Variants in TMEM151B observed in about 807,000 individuals in gnomAD.
The protein encoded by TMEM151B is transmembrane protein 193.
In TMEM151B, 18 loss-of-function variants were observed where a neutral mutation model predicts 33.0. The observed-to-expected ratio is 0.55, with a 90% CI of 0.38 to 0.81. TMEM151B has a LOEUF of 0.81. TMEM151B is among the 30% of genes least tolerant of loss of function. The pLI, the probability that TMEM151B is intolerant of heterozygous loss-of-function variation, is 0.00. For missense variants in TMEM151B, 672 were observed against 843.4 expected (o/e 0.80, Z 2.52); for synonymous variants, 354 against 373.6 (o/e 0.95, Z 0.61).
In TMEM151B at chr6:44,273,189, G is replaced by T. The variant is rs1325549411; in HGVS notation, c.259G>T (p.Val87Leu). The change falls in exon 2 of 3, where the codon GTG becomes TTG. Residue 87 changes from valine (V) to leucine (L), a missense_variant. Val to Leu is a conservative substitution (Grantham distance 32, BLOSUM62 1). Around this residue, in one of 3 missense-constraint regions of TMEM151B, gnomAD observed 285 missense variants for 423.1 expected, o/e 0.67. Transcript: ENST00000451188. ...GAVAWCHVTT[V>L]TRLTFSSAYQ... ...AGTGGCCTGGTGCCACGTCACCACA[G>T]TGACGCGCCTCACCTTCAGCAGCGC... 4.5e-6 allele frequency: 7 copies of T among 1,549,400 alleles called. No individual in the cohort carries two copies. The highest frequency in any genetic ancestry group is 6.1e-6 in the Non-Finnish European group (7 of 1,145,388).
At position 44,276,277 on chromosome 6, in the gene TMEM151B, G is replaced by A; in HGVS notation, c.1451G>A (p.Arg484His). Residue 484 changes from arginine to histidine, a missense_variant, in exon 3 of 3, where the codon CGC becomes CAC. By Grantham distance (29) the Arg-to-His change is conservative. Around this residue, in one of 3 missense-constraint regions of TMEM151B, gnomAD observed 324 missense variants for 363.1 expected, o/e 0.89. Transcript: ENST00000451188. ...CTGGGCCGTCTCTACGGCTCCCGGC[G>A]CAGCTGCCTGTGGCGCAGCCGCAGC... is the stretch of plus-strand genomic sequence containing the variant. The part of the protein sequence containing the change: ...FSLGRLYGSR[R>H]SCLWRSRSGS... The A allele has an allele frequency of 2.2e-6, 3 of 1,372,182 alleles. No individual in the cohort carries two copies. Among genetic ancestry groups the A allele is most frequent in the Non-Finnish European group, 2.8e-6 (3 of 1,062,980 alleles). 85.0% of individuals were successfully genotyped at this position (1,372,182 alleles called of 1,614,324 possible).
Position 44,273,158 on chromosome 6 carries a change from G to A in TMEM151B, c.228G>A (p.Leu76=). The change falls in exon 2 of 3, where the codon CTG becomes CTA. Residue 76 remains leucine (L), a synonymous_variant. Coordinates refer to ENST00000451188, the MANE Select transcript of TMEM151B (RefSeq NM_001137560.2). ...LLLSLLMYGC[L]GAVAWCHVTT... is the part of the protein sequence containing the mutation. ...TCTCGCTGCTCATGTACGGCTGCCT[G>A]GGGGCAGTGGCCTGGTGCCACGTCA... is the stretch of plus-strand genomic sequence containing the variant. 2 of 1,544,946 alleles carry A rather than the reference G, an allele frequency of 1.3e-6. No individual in the cohort carries two copies. The highest frequency in any genetic ancestry group is 2.7e-5 in the African/African-American group (2 of 73,076).
In TMEM151B at chr6:44,276,535, C is replaced by T. The variant is rs1487451713; in HGVS notation, c.*8C>T. On this transcript the variant is annotated 3_prime_UTR_variant, in exon 3 of 3. Transcript: ENST00000451188. Reference sequence around the variant, plus strand: ...GTAGAGACCTCACTGTGACCTCCGGCCCCGGAGTGGCCCGCGCCGTCCTCC... The same window carrying T: ...GTAGAGACCTCACTGTGACCTCCGGTCCCGGAGTGGCCCGCGCCGTCCTCC... 7.4e-7 allele frequency: 1 copy of T among 1,347,710 alleles called. No homozygotes were observed. Among genetic ancestry groups the T allele is most frequent in the Non-Finnish European group, 9.6e-7 (1 of 1,044,548 alleles). The allele number at this position is 1,347,710 out of a possible 1,614,324, so 83.5% of individuals were successfully genotyped here. A position where few individuals can be genotyped will look rare whatever the true frequency, so the allele number is the denominator to read the frequency against.
At position 44,276,196 on chromosome 6, in the gene TMEM151B, C is replaced by T; in HGVS notation, c.1370C>T (p.Pro457Leu). 1 of 1,290,152 alleles carries T rather than the reference C, an allele frequency of 7.8e-7. No homozygotes were observed. The highest frequency in any genetic ancestry group is 9.8e-7 in the Non-Finnish European group (1 of 1,023,316). 79.9% of individuals were successfully genotyped at this position (1,290,152 alleles called of 1,614,324 possible). ...SRSALSICAS[P>L]RAGPGPGGGA... ...AGCGCCCTAAGCATCTGCGCCAGCC[C>T]GCGGGCCGGCCCGGGGCCCGGTGGG... Residue 457 changes from proline to leucine, a missense_variant, in exon 3 of 3, where the codon CCG (proline) becomes CTG (leucine). Around this residue, in one of 3 missense-constraint regions of TMEM151B, gnomAD observed 324 missense variants for 363.1 expected, o/e 0.89. Coordinates refer to ENST00000451188, the MANE Select transcript of TMEM151B (RefSeq NM_001137560.2).
At chr6:44,271,187 G>A (rs1187766457) in intron 1 of TMEM151B, among the ~76,000 whole-genome samples, 1 of 151,936 alleles carries the variant, frequency 6.6e-6, no homozygotes, top group Non-Finnish European at 1.5e-5. Flanking sequence ...GACGGTGGCG[G>A]GGATCCTGTC....
chr6:44,274,566 C>T (rs964061842), intron 2 of TMEM151B, among the ~76,000 whole-genome samples: 1 of 152,042 alleles, frequency 6.6e-6, no homozygotes, highest in South Asian at 2.1e-4. Flanking sequence ...AAGCCTGGGG[C>T]GGGTGAGAAG....
Position 44,276,025 on chromosome 6 carries a change from C to G in TMEM151B, c.1199C>G (p.Thr400Arg). The change falls in exon 3 of 3, where the codon ACG becomes AGG. Residue 400 changes from threonine to arginine, a missense_variant. Physicochemically the swap from Thr to Arg is moderately conservative, Grantham distance 71. Transcript: ENST00000451188. ...CTCATGGACCTGGCGGGGCTCGGGA[C>G]GCGCTGCGGCGGGGCAGGCGGCGGC... The part of the protein sequence containing the change: ...AVLMDLAGLG[T>R]RCGGAGGGYA... The G allele has an allele frequency of 7.4e-7, 1 of 1,351,298 alleles. No individual in the cohort carries two copies. Among genetic ancestry groups the G allele is most frequent in the Non-Finnish European group, 9.5e-7 (1 of 1,054,200 alleles). The allele number at this position is 1,351,298 out of a possible 1,614,324, so 83.7% of individuals were successfully genotyped here. A position where few individuals can be genotyped will look rare whatever the true frequency, so the allele number is the denominator to read the frequency against.
In TMEM151B at chr6:44,276,745, A is replaced by G; in HGVS notation, c.*218A>G. The G allele has an allele frequency of 1.0e-6, 1 of 990,910 alleles. No individual in the cohort carries two copies. Among genetic ancestry groups the G allele is most frequent in the Non-Finnish European group, 1.3e-6 (1 of 769,388 alleles). The allele number at this position is 990,910 out of a possible 1,614,324, so 61.4% of individuals were successfully genotyped here. ...GTGGGAGGGGGTCGGCTGCTCCCCG[A>G]GATCCCCCTGGCAGAGTCATTCTTC... On this transcript the variant is annotated 3_prime_UTR_variant, in exon 3 of 3. Coordinates refer to ENST00000451188, the MANE Select transcript of TMEM151B (RefSeq NM_001137560.2).
Position 44,277,315 on chromosome 6 carries a change from C to T in TMEM151B, c.*788C>T, listed in dbSNP as rs1316999134. 6.6e-6 allele frequency: 1 copy of T among 152,264 alleles called. No individual in the cohort carries two copies. The highest frequency in any genetic ancestry group is 1.5e-5 in the Non-Finnish European group (1 of 68,106). The allele number at this position is 152,264 out of a possible 1,614,324, so 9.4% of individuals were successfully genotyped here. A position where few individuals can be genotyped will look rare whatever the true frequency, so the allele number is the denominator to read the frequency against. On this transcript the variant is annotated 3_prime_UTR_variant, in exon 3 of 3. Coordinates refer to ENST00000451188, the MANE Select transcript of TMEM151B (RefSeq NM_001137560.2). ...AATGTGGAGGACTGTGTACCTCAGT[C>T]CTCTCTCTAAACTCCTCAGCCTCCC...
chr6:44,278,893 A>ACACACACACC lies in TMEM151B; in HGVS notation c.*2367_*2368insACACACACCC, dbSNP rs1260162116. 7.4e-5 allele frequency: 11 copies of ACACACACACC among 149,578 alleles called. No individual in the cohort carries two copies. Among genetic ancestry groups the ACACACACACC allele is most frequent in the African/African-American group, 2.5e-4 (10 of 40,520 alleles). The allele number at this position is 149,578 out of a possible 1,614,324, so 9.3% of individuals were successfully genotyped here. ...TATACACACACACACACACACACAC[A>ACACACACACC]CCCTCACACCTACACGTTTGCACTC... is the stretch of plus-strand genomic sequence containing the variant. On this transcript the variant is annotated 3_prime_UTR_variant, in exon 3 of 3. Coordinates refer to ENST00000451188, the MANE Select transcript of TMEM151B (RefSeq NM_001137560.2).
chr6:44,271,398 G>A (rs1782349420), intron 1 of TMEM151B, among the ~76,000 whole-genome samples: 1 of 141,478 alleles, frequency 7.1e-6, no homozygotes, highest in South Asian at 2.3e-4. Context: ...TCTCTCACGA[G>A]GCTCCTGCTG....
In TMEM151B at chr6:44,278,220, T is replaced by C. The variant is rs1782668360; in HGVS notation, c.*1693T>C. 1 of 155,112 alleles carries C rather than the reference T, an allele frequency of 6.4e-6. No homozygotes were observed. Among genetic ancestry groups the C allele is most frequent in the Non-Finnish European group, 1.5e-5 (1 of 68,452 alleles). 9.6% of individuals were successfully genotyped at this position (155,112 alleles called of 1,614,324 possible). The stretch of plus-strand genomic sequence containing the variant: ...AGGGGCCCAAATTGTGGGGATACCA[T>C]GGCCCATGGCTTCTAAAGGGTTTAG... On this transcript the variant is annotated 3_prime_UTR_variant, in exon 3 of 3. Transcript: ENST00000451188.
chr6:44,272,991 A>C (rs1782426697), intron 1 of TMEM151B, 75 bp from the exon 2 acceptor site: 1 of 1,264,706 alleles, frequency 7.9e-7, no homozygotes, highest in Non-Finnish European at 1.1e-6. Flanking sequence ...CCATCCCCGT[A>C]TCCATCTCTG....
At position 44,276,162 on chromosome 6, in the gene TMEM151B, T is replaced by A; in HGVS notation, c.1336T>A (p.Phe446Ile). 1 of 1,312,482 alleles carries A rather than the reference T, an allele frequency of 7.6e-7. No homozygotes were observed. Among genetic ancestry groups the A allele is most frequent in the Non-Finnish European group, 9.6e-7 (1 of 1,039,112 alleles). 81.3% of individuals were successfully genotyped at this position (1,312,482 alleles called of 1,614,324 possible). The change falls in exon 3 of 3, where the codon TTC (phenylalanine) becomes ATC (isoleucine). Residue 446 changes from phenylalanine (F) to isoleucine (I), a missense_variant. Coordinates refer to ENST00000451188, the MANE Select transcript of TMEM151B (RefSeq NM_001137560.2). ...GCGCGCCGTCAGCAGCTCGTCTATC[T>A]TCTCGCGCAGCGCCCTAAGCATCTG... ...CQRAVSSSSI[F>I]SRSALSICAS...
Position 44,275,705 on chromosome 6 carries a change from G to A in TMEM151B, c.879G>A (p.Pro293=). Residue 293 remains proline (P), a synonymous_variant, in exon 3 of 3, where the codon CCG becomes CCA. Transcript: ENST00000451188. ...TGGCCTTCCCGGACCCGGCCCGGCC[G>A]CCCTGGTACGCCTGCTCGTCGGCCT... The part of the protein sequence containing the change: ...FMVAFPDPAR[P]PWYACSSAFW... The A allele has an allele frequency of 1.3e-6, 2 of 1,549,964 alleles. No homozygotes were observed. The highest frequency in any genetic ancestry group is 1.4e-5 in the African/African-American group (1 of 73,152).
rs777537617 is a variant in TMEM151B, at chr6:44,275,931, G to A, written c.1105G>A (p.Asp369Asn). The change falls in exon 3 of 3, where the codon GAC (aspartate) becomes AAC (asparagine). Residue 369 changes from aspartate to asparagine, a missense_variant. Asp to Asn is a conservative substitution (Grantham distance 23). Around this residue, in one of 3 missense-constraint regions of TMEM151B, gnomAD observed 324 missense variants for 363.1 expected, o/e 0.89. Transcript: ENST00000451188. ...CCGCCTGCCGCGGGTCAACACAGTA[G>A]ACAGCACGGAGCTCGAGTGGCACAT... ...THRLPRVNTV[D>N]STELEWHIRS... 5.3e-6 allele frequency: 8 copies of A among 1,505,084 alleles called. No individual in the cohort carries two copies. Among genetic ancestry groups the A allele is most frequent in the Non-Finnish European group, 7.1e-6 (8 of 1,123,222 alleles). The allele number at this position is 1,505,084 out of a possible 1,614,324, so 93.2% of individuals were successfully genotyped here.
At chr6:44,271,362 T>G (rs1782335751) in intron 1 of TMEM151B, among the ~76,000 whole-genome samples, 1 of 44,862 alleles carries the variant, frequency 2.2e-5, no homozygotes, top group East Asian at 4.5e-4. Context: ...TGTGTGTGTG[T>G]GTGTGTGGGG....
Position 44,275,405 on chromosome 6 carries a change from C to G in TMEM151B, c.579C>G (p.Val193=), listed in dbSNP as rs1363629218. 6.6e-7 allele frequency: 1 copy of G among 1,513,450 alleles called. No homozygotes were observed. Among genetic ancestry groups the G allele is most frequent in the Non-Finnish European group, 8.9e-7 (1 of 1,125,588 alleles). The allele number at this position is 1,513,450 out of a possible 1,614,324, so 93.8% of individuals were successfully genotyped here. A position where few individuals can be genotyped will look rare whatever the true frequency, so the allele number is the denominator to read the frequency against. ...RNGDAYTTTQ[V]YHERVNTHVA... ...GCCGCCTGCCCCCCGCGCCGCAGGT[C>G]TACCACGAACGCGTCAACACGCACG... Residue 193 remains valine (V), a splice_region_variant and synonymous_variant, in exon 3 of 3, where the codon GTC becomes GTG. Transcript: ENST00000451188.
chr6:44,274,704 G>C (rs1389335272), intron 2 of TMEM151B, among the ~76,000 whole-genome samples: 1 of 152,172 alleles, frequency 6.6e-6, no homozygotes, highest in Non-Finnish European at 1.5e-5. Flanking sequence ...AGAAGAGGAG[G>C]CTGTTTGTGG....
Sources: allele counts gnomAD v4.1 joint callset (sites outside exome capture counted in the v4.1 genomes callset), GRCh38; gene constraint gnomAD v4.1.1; regional missense constraint gnomAD v4.1.1; transcripts MANE v1.5; gene names NCBI Gene and HGNC (gene_info 2026-07-23, HGNC 2026-07-21).